The following RNF150 variants were observed in gnomAD, a reference collection of about 807,000 sequenced individuals.
The protein encoded by RNF150 is ring finger protein 150.
A neutral mutation model predicts 39.3 loss-of-function variants in RNF150; 24 were observed. The observed-to-expected ratio is 0.61, with a 90% CI of 0.44 to 0.86. RNF150 has a LOEUF of 0.86. RNF150 is among the 40% of genes least tolerant of loss of function. The pLI, the probability that RNF150 is intolerant of heterozygous loss-of-function variation, is 0.00. For synonymous variants in RNF150, 255 were observed against 227.3 expected, an observed-to-expected ratio of 1.12 and a Z score of -1.10; for missense variants, 502 against 587.8, an observed-to-expected ratio of 0.85 and a Z score of 1.51.
At chr4:141,158,807 A>G (rs1727464477) in intron 1 of RNF150, among the ~76,000 whole-genome samples, 1 of 152,152 alleles carries the variant, frequency 6.6e-6, no homozygotes, top group African/African-American at 2.4e-5. Context: ...TGTGAGTATA[A>G]TTTGTGAGAC....
intron 2 of RNF150, among the ~76,000 whole-genome samples, chr4:140,957,529 A>G (rs1732812641): frequency 6.6e-6 from 1 of 152,310 alleles, no homozygotes; most frequent in South Asian, 2.1e-4. Context: ...AATACCATTC[A>G]CCCAGCCATC....
intron 1 of RNF150, among the ~76,000 whole-genome samples, chr4:141,099,177 A>G (rs1182285579): frequency 6.6e-6 from 1 of 152,136 alleles, no homozygotes; most frequent in Non-Finnish European, 1.5e-5. Context: ...AAAAGGATGA[A>G]AAAATACTAC....
chr4:141,138,984 T>C (rs1301406653), intron 1 of RNF150, among the ~76,000 whole-genome samples: 1 of 152,080 alleles, frequency 6.6e-6, no homozygotes, highest in African/African-American at 2.4e-5. Flanking sequence ...GCGGGAGGAT[T>C]GCTTGAGGTC....
At chr4:141,010,314 G>A (rs1480438098) in intron 1 of RNF150, among the ~76,000 whole-genome samples, 2 of 152,058 alleles carry the variant, frequency 1.3e-5, no homozygotes, top group Non-Finnish European at 2.9e-5. Context: ...TTTGTATGTT[G>A]GGCTCAGTTT....
intron 1 of RNF150, among the ~76,000 whole-genome samples, chr4:141,195,883 G>A (rs1401179458): frequency 1.3e-5 from 2 of 152,146 alleles, no homozygotes; most frequent in Non-Finnish European, 1.5e-5. Context: ...AGAGTTATAG[G>A]CGCCTCATTA....
chr4:141,106,231 A>G (rs1309125428), intron 1 of RNF150, among the ~76,000 whole-genome samples: 4 of 152,176 alleles, frequency 2.6e-5, no homozygotes, highest in Non-Finnish European at 5.9e-5. Flanking sequence ...TATCCACTGT[A>G]CCCTTGTCAG....
At chr4:140,919,157 T>C in intron 5 of RNF150, among the ~76,000 whole-genome samples, 1 of 137,786 alleles carries the variant, frequency 7.3e-6, no homozygotes, top group African/African-American at 2.7e-5. Flanking sequence ...ACCACACCTA[T>C]TCAACATAGT....
intron 1 of RNF150, among the ~76,000 whole-genome samples, chr4:141,129,976 T>C (rs1017900968): frequency 3.3e-5 from 5 of 152,222 alleles, no homozygotes; most frequent in African/African-American, 1.2e-4. Context: ...TTTTAAAAAC[T>C]GAATTTAAAA....
intron 1 of RNF150, among the ~76,000 whole-genome samples, chr4:141,191,182 T>G (rs1728105434): frequency 6.6e-6 from 1 of 152,186 alleles, no homozygotes; most frequent in Non-Finnish European, 1.5e-5. Flanking sequence ...GACCGCTAAG[T>G]TAGGACTGAT....
At chr4:141,148,785 C>T (rs1410584702) in intron 1 of RNF150, among the ~76,000 whole-genome samples, 1 of 152,016 alleles carries the variant, frequency 6.6e-6, no homozygotes, top group African/African-American at 2.4e-5. Context: ...CTTTTTTTTC[C>T]AGGTATTAAA....
chr4:140,951,842 T>C lies in RNF150; in HGVS notation c.736-2470A>G, dbSNP rs187967435. 7.9e-4 allele frequency among the ~76,000 whole-genome samples: 120 copies of C among 152,302 alleles called. 1 individual carries two copies. Among genetic ancestry groups the C allele is most frequent in the African/African-American group, 2.8e-3 (117 of 41,562 alleles). ...CCCAAACAAACAAATACTGTTTTTCTTTTTCAGTCAAGAACTCAGATATTT... is the reference window on the plus strand; with the variant it reads ...CCCAAACAAACAAATACTGTTTTTCCTTTTCAGTCAAGAACTCAGATATTT... On this transcript the variant is annotated intron_variant, in intron 2 of 6. Coordinates refer to ENST00000515673, the MANE Select transcript of RNF150 (RefSeq NM_020724.2).
intron 1 of RNF150, among the ~76,000 whole-genome samples, chr4:141,097,529 A>G (rs901417641): frequency 2.0e-5 from 3 of 152,048 alleles, no homozygotes; most frequent in African/African-American, 7.2e-5. Context: ...ACATCAAATA[A>G]TGGTGGGCCT....
intron 4 of RNF150, among the ~76,000 whole-genome samples, chr4:140,942,536 C>T (rs1034624079): frequency 6.6e-6 from 1 of 152,204 alleles, no homozygotes; most frequent in African/African-American, 2.4e-5. Context: ...CAACACTGCT[C>T]CTTGGTGTAT....
chr4:140,870,483 T>TGC (rs1491300193), intron 6 of RNF150, among the ~76,000 whole-genome samples: 2 of 151,492 alleles, frequency 1.3e-5, no homozygotes, highest in Non-Finnish European at 2.9e-5. Context: ...TGTGTGTGTG[T>TGC]GCACTTCCTT....
intron 4 of RNF150, among the ~76,000 whole-genome samples, chr4:140,938,513 G>T (rs992326071): frequency 6.6e-6 from 1 of 152,132 alleles, no homozygotes; most frequent in African/African-American, 2.4e-5. Context: ...TACCAGGGGC[G>T]TTTCCGTCCA....
chr4:141,122,280 A>G (rs918647148), intron 1 of RNF150, among the ~76,000 whole-genome samples: 7 of 152,230 alleles, frequency 4.6e-5, no homozygotes, highest in East Asian at 1.9e-4. Context: ...TGATGATTCT[A>G]TCTCTGACAC....
intron 1 of RNF150, among the ~76,000 whole-genome samples, chr4:141,089,950 T>TG (rs1738516870): frequency 6.6e-6 from 1 of 152,222 alleles, no homozygotes; most frequent in Non-Finnish European, 1.5e-5. Context: ...GACAAAAAAC[T>TG]GGAGACAGGG....
chr4:140,935,092 AAT>A (rs1180904026), intron 4 of RNF150, among the ~76,000 whole-genome samples: 7 of 132,818 alleles, frequency 5.3e-5, no homozygotes, highest in Admixed American at 1.6e-4. Context: ...ATATATAATA[AAT>A]ATATATATAA....
At chr4:141,105,612 C>T (rs909192423) in intron 1 of RNF150, among the ~76,000 whole-genome samples, 1 of 152,166 alleles carries the variant, frequency 6.6e-6, no homozygotes, top group African/African-American at 2.4e-5. Context: ...AATACCAAAC[C>T]TGTGCCAAGC....
Sources: allele counts gnomAD v4.1 joint callset (sites outside exome capture counted in the v4.1 genomes callset), GRCh38; gene constraint gnomAD v4.1.1; transcripts MANE v1.5; gene names NCBI Gene and HGNC (gene_info 2026-07-23, HGNC 2026-07-21).